Variants in SCN2A observed in about 807,000 individuals in gnomAD.
SCN2A encodes the protein sodium voltage-gated channel alpha subunit 2.
Under a neutral mutation model 188.7 loss-of-function variants are expected in SCN2A, and 20 were observed. The ratio of observed to expected loss-of-function variants is 0.11; its 90% CI spans 0.07 to 0.15. The LOEUF is 0.15. Ranked by LOEUF, SCN2A falls within the 10% of genes least tolerant of loss-of-function variation. The probability of loss-of-function intolerance (pLI) is 1.00; values close to 1 mark genes in which losing one functional copy is unlikely to be tolerated. For missense variants in SCN2A, 1,278 were observed against 2,445.0 expected, an observed-to-expected ratio of 0.52 and a Z score of 10.07; for synonymous variants, 804 against 833.1, an observed-to-expected ratio of 0.97 and a Z score of 0.60.
chr2:165,386,246 A>G (rs1003226917), intron 25 of SCN2A, among the ~76,000 whole-genome samples: 10 of 152,022 alleles, frequency 6.6e-5, no homozygotes, highest in Non-Finnish European at 1.5e-4. Flanking sequence ...TGGGCAGATC[A>G]TTAGGTCAGG....
chr2:165,331,438 A>T lies in SCN2A; in HGVS notation c.2258A>T (p.Asn753Ile). The T allele has an allele frequency of 2.5e-6, 4 of 1,613,706 alleles. No homozygotes were observed. Among genetic ancestry groups the T allele is most frequent in the Non-Finnish European group, 3.4e-6 (4 of 1,179,764 alleles). Residue 753 changes from asparagine to isoleucine, a missense_variant, in exon 14 of 27, where the codon AAC becomes ATC. Asn to Ile is a moderately radical substitution (Grantham distance 149, BLOSUM62 -3). This residue lies in a region of SCN2A where 315 missense variants were observed against 386.6 expected (regional missense o/e 0.81). Coordinates refer to ENST00000375437, the MANE Select transcript of SCN2A (RefSeq NM_001040142.2). ...TGGTTAAAGGTGAAACACCTTGTCAACCTGGTTGTAATGGACCCATTTGTT... is the reference window on the plus strand; with the variant it reads ...TGGTTAAAGGTGAAACACCTTGTCATCCTGGTTGTAATGGACCCATTTGTT... ...KPWLKVKHLV[N>I]LVVMDPFVDL...
intron 21 of SCN2A, among the ~76,000 whole-genome samples, chr2:165,374,050 TCTAA>T (rs1373539683): frequency 1.3e-5 from 2 of 152,162 alleles, no homozygotes; most frequent in African/African-American, 2.4e-5. Flanking sequence ...GCTCATATTT[TCTAA>T]CTAAGAAAAT....
chr2:165,301,275 C>T (rs1696794228), intron 3 of SCN2A, among the ~76,000 whole-genome samples: 1 of 152,012 alleles, frequency 6.6e-6, no homozygotes, highest in Non-Finnish European at 1.5e-5. Context: ...ATCTGGAGTT[C>T]AGAAAAGGGC....
intron 11 of SCN2A, among the ~76,000 whole-genome samples, chr2:165,316,696 G>A (rs1207798580): frequency 4.6e-5 from 7 of 152,178 alleles, no homozygotes; most frequent in African/African-American, 1.7e-4. Flanking sequence ...TTTTATATGT[G>A]AAGAGAAGCA....
At chr2:165,338,162 G>T (rs1417277318) in intron 14 of SCN2A, among the ~76,000 whole-genome samples, 1 of 151,832 alleles carries the variant, frequency 6.6e-6, no homozygotes, top group Non-Finnish European at 1.5e-5. Context: ...TGCAGTATTT[G>T]GTTTTCTGTT....
chr2:165,324,964 G>A (rs1698273828), intron 12 of SCN2A, among the ~76,000 whole-genome samples: 1 of 152,088 alleles, frequency 6.6e-6, no homozygotes, highest in South Asian at 2.1e-4. Context: ...TCTCATGGGA[G>A]GCTTCTTAAA....
At chr2:165,304,791 A>G (rs1697026389) in intron 3 of SCN2A, among the ~76,000 whole-genome samples, 5 of 152,254 alleles carry the variant, frequency 3.3e-5, no homozygotes, top group African/African-American at 1.2e-4. Flanking sequence ...GGATAATGCA[A>G]TGAAGAGAAA....
intron 1 of SCN2A, among the ~76,000 whole-genome samples, chr2:165,278,361 A>G (rs1247427738): frequency 6.6e-6 from 1 of 152,206 alleles, no homozygotes; most frequent in East Asian, 1.9e-4. Context: ...GAAACTTACT[A>G]TCATGGCAAA....
chr2:165,259,335 A>T (rs71426750), intron 1 of SCN2A, among the ~76,000 whole-genome samples: 1 of 152,166 alleles, frequency 6.6e-6, no homozygotes, highest in African/African-American at 2.4e-5. Context: ...TTCTTAAAAT[A>T]AGACTACAAT....
At chr2:165,261,344 A>G (rs1694586896) in intron 1 of SCN2A, among the ~76,000 whole-genome samples, 1 of 152,184 alleles carries the variant, frequency 6.6e-6, no homozygotes, top group Non-Finnish European at 1.5e-5. Flanking sequence ...GTCCACATTA[A>G]TAGGATCATT....
Position 165,390,614 on chromosome 2 carries a change from AT to A in SCN2A, c.*791del, listed in dbSNP as rs1702087597. 1 of 152,582 alleles carries A rather than the reference AT, an allele frequency of 6.6e-6. No individual in the cohort carries two copies. The highest frequency in any genetic ancestry group is 2.1e-4 in the South Asian group (1 of 4,822). 9.5% of individuals were successfully genotyped at this position (152,582 alleles called of 1,614,324 possible). A position where few individuals can be genotyped will look rare whatever the true frequency, so the allele number is the denominator to read the frequency against. Reference sequence around the variant, plus strand: ...ATTAAATGTACATGTATATATGTATATATGTATATGTGCGTGTATATACATA... The same window carrying A: ...ATTAAATGTACATGTATATATGTATAATGTATATGTGCGTGTATATACATA... On this transcript the variant is annotated 3_prime_UTR_variant, in exon 27 of 27. Coordinates refer to ENST00000375437, the MANE Select transcript of SCN2A (RefSeq NM_001040142.2).
chr2:165,350,230 G>A (rs1209387641), intron 16 of SCN2A, among the ~76,000 whole-genome samples: 1 of 152,186 alleles, frequency 6.6e-6, no homozygotes, highest in Admixed American at 6.5e-5. Flanking sequence ...GCACACAGGA[G>A]GGATGTGAAG....
intron 2 of SCN2A, 197 bp downstream of exon 2, chr2:165,296,287 G>C (rs1213032186): frequency 3.3e-6 from 2 of 607,382 alleles, no homozygotes; most frequent in Non-Finnish European, 2.9e-6. Context: ...GCATTTGTGA[G>C]ACAGGCAGAG....
At chr2:165,338,758 T>G (rs1198093476) in intron 14 of SCN2A, among the ~76,000 whole-genome samples, 1 of 152,152 alleles carries the variant, frequency 6.6e-6, no homozygotes, top group African/African-American at 2.4e-5. Flanking sequence ...ATTTGAAAAG[T>G]GATCAATTAA....
intron 1 of SCN2A, among the ~76,000 whole-genome samples, chr2:165,256,045 G>A (rs1379928777): frequency 1.6e-5 from 2 of 123,190 alleles, no homozygotes; most frequent in East Asian, 2.4e-4. Flanking sequence ...TCGCTCTGTC[G>A]CCCAGGCTGG....
At chr2:165,379,842 C>T (rs1285618193) in intron 23 of SCN2A, among the ~76,000 whole-genome samples, 2 of 151,794 alleles carry the variant, frequency 1.3e-5, no homozygotes, top group Non-Finnish European at 3.0e-5. Context: ...TTGGTTAGAA[C>T]AATGTCCTAT....
In SCN2A at chr2:165,354,668, A is replaced by C; in HGVS notation, c.3396A>C (p.Lys1132Asn). Residue 1132 changes from lysine to asparagine, a missense_variant, in exon 17 of 27, where the codon AAA (lysine) becomes AAC (asparagine). By Grantham distance (94) the Lys-to-Asn change is moderately conservative. Coordinates refer to ENST00000375437, the MANE Select transcript of SCN2A (RefSeq NM_001040142.2). ...GCGAGTCAGATATGGAGGAAAGCAA[A>C]GAGGTAAAAATGTTTAAATAAGGAG... is the stretch of plus-strand genomic sequence containing the variant. ...FSSESDMEES[K>N]EKLNATSSSE... 2 of 1,613,314 alleles carry C rather than the reference A, an allele frequency of 1.2e-6. No homozygotes were observed. The highest frequency in any genetic ancestry group is 2.2e-5 in the South Asian group (2 of 91,076).
At position 165,307,902 on chromosome 2, in the gene SCN2A, C is replaced by T; in HGVS notation, c.441C>T (p.Thr147=). The part of the protein sequence containing the change: ...CTILTNCVFM[T]MSNPPDWTKN... ...TTCTTACCAACTGTGTATTTATGAC[C>T]ATGAGTAACCCTCCAGACTGGACAA... The change falls in exon 4 of 27, where the codon ACC becomes ACT. Residue 147 remains threonine (T), a synonymous_variant. Transcript: ENST00000375437. 1 of 1,610,416 alleles carries T rather than the reference C, an allele frequency of 6.2e-7. No homozygotes were observed. Among genetic ancestry groups the T allele is most frequent in the Non-Finnish European group, 8.5e-7 (1 of 1,176,874 alleles).
intron 5 of SCN2A, 165 bp from the exon 6 acceptor site, chr2:165,309,187 C>T: frequency 6.2e-7 from 1 of 1,613,504 alleles, no homozygotes; most frequent in Non-Finnish European, 8.5e-7. Context: ...ATTTGTAAAC[C>T]TAGGCAATGT....
Sources: allele counts gnomAD v4.1 joint callset (sites outside exome capture counted in the v4.1 genomes callset), GRCh38; gene constraint gnomAD v4.1.1; regional missense constraint gnomAD v4.1.1; transcripts MANE v1.5; gene names NCBI Gene and HGNC (gene_info 2026-07-23, HGNC 2026-07-21).